The following HMGN5 variants were observed in gnomAD, a reference collection of about 807,000 sequenced individuals.
HMGN5 encodes high mobility group nucleosome binding domain 5.
HMGN5 carries 4 observed loss-of-function variants against 9.5 expected under a neutral mutation model. That is an observed-to-expected ratio of 0.42 (90% confidence interval 0.21 to 0.96). HMGN5 has a LOEUF of 0.96. Among genes scored for constraint, HMGN5 ranks in the 40% least tolerant of loss-of-function variants. The pLI is 0.30. For synonymous variants in HMGN5, 55 were observed against 57.1 expected (o/e 0.96, Z 0.16); for missense variants, 192 against 187.5 (o/e 1.02, Z -0.14).
intron 1 of HMGN5, among the ~76,000 whole-genome samples, chrX:81,187,099 G>T (rs1223440810): frequency 1.8e-5 from 2 of 111,755 alleles, no homozygotes; most frequent in East Asian, 5.6e-4. Context: ...AATTTTTAAA[G>T]ACTTGTTTTG....
At chrX:81,118,396 G>A (rs1457193517) in intron 5 of HMGN5, 36 bp downstream of exon 5, 3 of 960,788 alleles carry the variant, frequency 3.1e-6, no homozygotes, top group Non-Finnish European at 2.9e-6. Flanking sequence ...GAAAAAAAAA[G>A]CAAATTTATT....
chrX:81,132,862 A>G (rs1362369519), intron 1 of HMGN5, among the ~76,000 whole-genome samples: 2 of 111,646 alleles, frequency 1.8e-5, no homozygotes, highest in African/African-American at 6.5e-5. Flanking sequence ...AATTAAACTA[A>G]AGAGCTTCCA....
intron 1 of HMGN5, among the ~76,000 whole-genome samples, chrX:81,189,582 A>G (rs1228388386): frequency 8.9e-6 from 1 of 112,189 alleles, no homozygotes; most frequent in Non-Finnish European, 1.9e-5. Flanking sequence ...TTCAGTATCT[A>G]ATAATATTTC....
intron 6 of HMGN5, 102 bp from the exon 7 acceptor site, chrX:81,115,332 A>C: frequency 1.1e-6 from 1 of 877,702 alleles, no homozygotes; most frequent in Non-Finnish European, 1.5e-6. Context: ...AGAAAGACTA[A>C]TACTTCATTT....
chrX:81,114,572 G>A lies in HMGN5; in HGVS notation c.*77C>T. On this transcript the variant is annotated 3_prime_UTR_variant, in exon 7 of 7. Coordinates refer to ENST00000358130, the MANE Select transcript of HMGN5 (RefSeq NM_030763.3). ...GAAAGGCTGTGTTTATAAAATTTTT[G>A]ATAAAAATATTTATCTCTATTAACT... 1.1e-6 allele frequency: 1 copy of A among 923,214 alleles called. No individual in the cohort carries two copies. Among genetic ancestry groups the A allele is most frequent in the Non-Finnish European group, 1.4e-6 (1 of 717,764 alleles). 76.1% of individuals were successfully genotyped at this position (923,214 alleles called of 1,213,427 possible).
At chrX:81,149,697 C>G (rs1893425990) in intron 1 of HMGN5, among the ~76,000 whole-genome samples, 1 of 111,676 alleles carries the variant, frequency 9.0e-6, no homozygotes, top group Non-Finnish European at 1.9e-5. Context: ...ATAGCGTGAA[C>G]ATAAAGGGAT....
Position 81,198,530 on chromosome X carries a change from C to T in HMGN5, c.-124+3207G>A, listed in dbSNP as rs372294498. Among the ~76,000 whole-genome samples, 58 of 111,526 alleles carry T rather than the reference C, an allele frequency of 5.2e-4. No homozygotes were observed. The South Asian group carries it at 0.019, about 37-fold the overall frequency. On this transcript the variant is annotated intron_variant, in intron 1 of 6. Transcript: ENST00000358130. Reference sequence around the variant, plus strand: ...AGTACATCAAAAAGCTTATCCACCACGATCAAGTTGGCTTCATCCCTGGGA... The same window carrying T: ...AGTACATCAAAAAGCTTATCCACCATGATCAAGTTGGCTTCATCCCTGGGA...
At chrX:81,158,378 T>C (rs1296420514) in intron 1 of HMGN5, among the ~76,000 whole-genome samples, 2 of 112,143 alleles carry the variant, frequency 1.8e-5, no homozygotes, top group African/African-American at 6.5e-5. Context: ...TGGCGTGAGA[T>C]GGTATCTCAT....
intron 1 of HMGN5, among the ~76,000 whole-genome samples, chrX:81,197,064 A>G (rs746387703): frequency 3.6e-4 from 41 of 112,438 alleles, no homozygotes; most frequent in African/African-American, 1.3e-3. Flanking sequence ...ACAGACTAAT[A>G]CACACCACTT....
intron 1 of HMGN5, among the ~76,000 whole-genome samples, chrX:81,150,267 C>T (rs1399458677): frequency 8.9e-6 from 1 of 111,841 alleles, no homozygotes; most frequent in Non-Finnish European, 1.9e-5. Context: ...ATTTTGGGAA[C>T]TGTAAAAACA....
intron 1 of HMGN5, among the ~76,000 whole-genome samples, chrX:81,126,147 CAAAA>C (rs776769640): frequency 0.032 from 1,530 of 47,706 alleles, 35 homozygotes; most frequent in African/African-American, 0.11. Context: ...GACGCAGTCT[CAAAA>C]AAAAAAAAAA....
chrX:81,186,023 T>G (rs1223340061), intron 1 of HMGN5, among the ~76,000 whole-genome samples: 1 of 112,069 alleles, frequency 8.9e-6, no homozygotes, highest in African/African-American at 3.2e-5. Flanking sequence ...TTGGAAGTAT[T>G]TTGTTGAGTA....
intron 1 of HMGN5, among the ~76,000 whole-genome samples, chrX:81,140,850 C>T (rs143664853): frequency 4.5e-5 from 5 of 111,581 alleles, no homozygotes; most frequent in African/African-American, 1.3e-4. Context: ...GTGCATCAAG[C>T]AGTCCCCTGG....
Position 81,150,606 on chromosome X carries a change from C to A in HMGN5, c.-123-28934G>T, listed in dbSNP as rs183283240. ...AACAATAACAAAAACAAAAACAAAA[C>A]AAAATGAAAATTAAAAATATAAAAG... On this transcript the variant is annotated intron_variant, in intron 1 of 6. Transcript: ENST00000358130. 5.1e-3 allele frequency among the ~76,000 whole-genome samples: 562 copies of A among 111,132 alleles called. 2 individuals are homozygous for A. The highest frequency in any genetic ancestry group is 0.017 in the African/African-American group (526 of 30,580).
intron 1 of HMGN5, among the ~76,000 whole-genome samples, chrX:81,180,381 T>C (rs1405881304): frequency 9.0e-6 from 1 of 111,390 alleles, no homozygotes; most frequent in Non-Finnish European, 1.9e-5. Flanking sequence ...CATCAAAAAG[T>C]GGGCAAAGGA....
At chrX:81,189,288 T>C (rs1005497653) in intron 1 of HMGN5, among the ~76,000 whole-genome samples, 4 of 111,907 alleles carry the variant, frequency 3.6e-5, no homozygotes, top group Admixed American at 2.8e-4. Context: ...TGCTATTTTC[T>C]AGATCCTGTA....
chrX:81,199,534 T>C (rs2147657892), intron 1 of HMGN5, among the ~76,000 whole-genome samples: 1 of 111,772 alleles, frequency 8.9e-6, no homozygotes, highest in Non-Finnish European at 1.9e-5. Flanking sequence ...AACAGATATA[T>C]AGACCAATGG....
intron 1 of HMGN5, among the ~76,000 whole-genome samples, chrX:81,188,034 T>A (rs1185323561): frequency 1.8e-5 from 2 of 110,856 alleles, no homozygotes; most frequent in African/African-American, 3.3e-5. Context: ...TCCTTTTTTT[T>A]AACTTTTTGT....
intron 1 of HMGN5, among the ~76,000 whole-genome samples, chrX:81,145,193 T>C (rs1458149137): frequency 1.8e-5 from 2 of 111,335 alleles, no homozygotes; most frequent in African/African-American, 6.5e-5. Context: ...AGATACATAA[T>C]CATCAGATTC....
Sources: allele counts gnomAD v4.1 joint callset (sites outside exome capture counted in the v4.1 genomes callset), GRCh38; gene constraint gnomAD v4.1.1; transcripts MANE v1.5; gene names NCBI Gene and HGNC (gene_info 2026-07-23, HGNC 2026-07-21).